SNTG1: variants seen among roughly 807,000 people sequenced by gnomAD.
SNTG1 encodes the protein syntrophin gamma 1, also known as gamma-1-syntrophin.
In SNTG1, 39 loss-of-function variants were observed where a neutral mutation model predicts 74.7. The observed-to-expected ratio is 0.52, with a 90% CI of 0.40 to 0.68. The LOEUF is 0.68. Ranked by LOEUF, SNTG1 falls within the 30% of genes least tolerant of loss-of-function variation. The pLI, the probability that SNTG1 is intolerant of heterozygous loss-of-function variation, is 0.00. For synonymous variants in SNTG1, 254 were observed against 217.1 expected (o/e 1.17, Z -1.49); for missense variants, 685 against 609.5 (o/e 1.12, Z -1.30).
intron 1 of SNTG1, among the ~76,000 whole-genome samples, chr8:49,953,433 G>A (rs919720934): frequency 3.9e-5 from 6 of 152,128 alleles, no homozygotes; most frequent in African/African-American, 1.4e-4. Flanking sequence ...TATTTCCCTG[G>A]GAACTAGAGA....
At chr8:50,063,396 G>A (rs536213364) in intron 1 of SNTG1, among the ~76,000 whole-genome samples, 77 of 152,180 alleles carry the variant, frequency 5.1e-4, no homozygotes, top group Non-Finnish European at 1.0e-3. Flanking sequence ...ACATGCTTAT[G>A]AGGACAATTA....
At position 50,345,476 on chromosome 8, in the gene SNTG1, C is replaced by T. The variant is rs117787829; in HGVS notation, c.-27-48736C>T. Reference sequence around the variant, plus strand: ...TCTGTCTTCTGCATTTATGGCCCTGCCCCATAAGGTCTTGGCTCTGCACTC... The same window carrying T: ...TCTGTCTTCTGCATTTATGGCCCTGTCCCATAAGGTCTTGGCTCTGCACTC... On this transcript the variant is annotated intron_variant, in intron 2 of 18. Coordinates refer to ENST00000642720, the MANE Select transcript of SNTG1 (RefSeq NM_018967.5). 5.0e-3 allele frequency among the ~76,000 whole-genome samples: 758 copies of T among 152,258 alleles called. 5 individuals are homozygous for T. The highest frequency in any genetic ancestry group is 7.9e-3 in the Non-Finnish European group (535 of 68,022).
chr8:50,091,262 C>T (rs1253701159), intron 1 of SNTG1, among the ~76,000 whole-genome samples: 1 of 151,892 alleles, frequency 6.6e-6, no homozygotes, highest in Non-Finnish European at 1.5e-5. Context: ...ATAACGGTCT[C>T]GAATTTCTCT....
intron 17 of SNTG1, chr8:50,747,942 C>T (rs2095558859): frequency 6.6e-6 from 1 of 151,582 alleles, no homozygotes; most frequent in South Asian, 2.1e-4. Context: ...TCATGTTGCC[C>T]AAGCTGTGTA....
At chr8:49,991,811 A>T (rs971114317) in intron 1 of SNTG1, among the ~76,000 whole-genome samples, 2 of 152,170 alleles carry the variant, frequency 1.3e-5, no homozygotes, top group African/African-American at 4.8e-5. Flanking sequence ...GGTAGAGAAG[A>T]ATGGGGTGTG....
intron 4 of SNTG1, among the ~76,000 whole-genome samples, chr8:50,430,024 G>A (rs903883083): frequency 6.6e-6 from 1 of 152,060 alleles, no homozygotes; most frequent in Non-Finnish European, 1.5e-5. Context: ...AAGTGACATG[G>A]CCACATTGAA....
chr8:50,050,896 A>G (rs141241275), intron 1 of SNTG1, among the ~76,000 whole-genome samples: 1 of 152,204 alleles, frequency 6.6e-6, no homozygotes, highest in African/African-American at 2.4e-5. Context: ...TATTAATAGA[A>G]AAAATAAACC....
At chr8:50,406,281 A>C (rs932645092) in intron 4 of SNTG1, among the ~76,000 whole-genome samples, 1 of 152,082 alleles carries the variant, frequency 6.6e-6, no homozygotes, top group Non-Finnish European at 1.5e-5. Flanking sequence ...TTAAAACCTT[A>C]GTACTTGATA....
chr8:49,947,232 A>G (rs1024579848), intron 1 of SNTG1, among the ~76,000 whole-genome samples: 4 of 152,180 alleles, frequency 2.6e-5, no homozygotes, highest in Admixed American at 6.5e-5. Context: ...CCTGGGAGGC[A>G]GAGGTTGCAG....
intron 13 of SNTG1, among the ~76,000 whole-genome samples, chr8:50,638,431 T>C (rs1183446094): frequency 1.3e-5 from 2 of 152,212 alleles, no homozygotes; most frequent in African/African-American, 4.8e-5. Context: ...TTCAAAGCTA[T>C]CATATAATAA....
intron 15 of SNTG1, among the ~76,000 whole-genome samples, chr8:50,684,448 G>A (rs992337819): frequency 6.6e-6 from 1 of 151,944 alleles, no homozygotes; most frequent in Non-Finnish European, 1.5e-5. Flanking sequence ...TGCTTTTCTG[G>A]TTCTAGGAAT....
chr8:50,449,515 G>T (rs1257877597), intron 5 of SNTG1, among the ~76,000 whole-genome samples, 153 bp from the exon 6 acceptor site: 1 of 152,184 alleles, frequency 6.6e-6, no homozygotes, highest in Non-Finnish European at 1.5e-5. Flanking sequence ...ATTTTCATGG[G>T]AGCACTATCT....
At chr8:50,488,593 T>C (rs903966539) in intron 8 of SNTG1, among the ~76,000 whole-genome samples, 7 of 152,152 alleles carry the variant, frequency 4.6e-5, no homozygotes, top group African/African-American at 1.2e-4. Context: ...GGCTTGCATA[T>C]TGTTTACTTC....
intron 2 of SNTG1, among the ~76,000 whole-genome samples, chr8:50,186,805 A>G (rs1302746911): frequency 6.6e-6 from 1 of 152,054 alleles, no homozygotes; most frequent in Non-Finnish European, 1.5e-5. Context: ...TCAGATGGGT[A>G]GATTGCAAAG....
At chr8:50,643,028 T>G (rs759509109) in intron 13 of SNTG1, among the ~76,000 whole-genome samples, 2 of 150,728 alleles carry the variant, frequency 1.3e-5, no homozygotes, top group Non-Finnish European at 2.9e-5. Context: ...ACACTGTAGA[T>G]GCCATTATAT....
chr8:49,946,406 A>C (rs189543217), intron 1 of SNTG1, among the ~76,000 whole-genome samples: 49 of 152,304 alleles, frequency 3.2e-4, no homozygotes, highest in Admixed American at 3.0e-3. Context: ...AAACTCTGGG[A>C]GATACGTGTA....
At chr8:49,953,753 C>T (rs571321788) in intron 1 of SNTG1, among the ~76,000 whole-genome samples, 3 of 152,096 alleles carry the variant, frequency 2.0e-5, no homozygotes, top group Admixed American at 6.5e-5. Context: ...GATGTCGGGT[C>T]GCCCATTGAG....
At chr8:50,024,054 C>T (rs1203304129) in intron 1 of SNTG1, among the ~76,000 whole-genome samples, 2 of 152,078 alleles carry the variant, frequency 1.3e-5, no homozygotes, top group African/African-American at 2.4e-5. Context: ...AGGATGGGAA[C>T]CAAATTTGAT....
At chr8:50,437,982 G>C (rs781219714) in intron 4 of SNTG1, among the ~76,000 whole-genome samples, 4 of 152,124 alleles carry the variant, frequency 2.6e-5, no homozygotes, top group Non-Finnish European at 5.9e-5. Flanking sequence ...TTATTACTTA[G>C]ATGTGTAATT....
Sources: gnomAD v4.1 joint callset for allele counts (sites outside exome capture counted in the v4.1 genomes callset) on GRCh38, gnomAD v4.1.1 for gene constraint, MANE v1.5 for transcripts, NCBI Gene and HGNC (gene_info 2026-07-23, HGNC 2026-07-21) for gene names.